RBFOX1: variants seen among roughly 807,000 people sequenced by gnomAD.
The protein encoded by RBFOX1 is RNA binding fox-1 homolog 1.
Under a neutral mutation model 57.7 loss-of-function variants are expected in RBFOX1, and 8 were observed. That is an observed-to-expected ratio of 0.14 (90% CI 0.08 to 0.25). The LOEUF (loss-of-function observed/expected upper bound fraction) is 0.25, where lower values mean the gene tolerates loss of function less well. Ranked by LOEUF, RBFOX1 falls within the 10% of genes least tolerant of loss-of-function variation. RBFOX1 has a pLI of 1.00. For missense variants in RBFOX1, 611 were observed against 548.5 expected (o/e 1.11, Z -1.14); for synonymous variants, 326 against 222.4 (o/e 1.47, Z -4.15).
intron 3 of RBFOX1, among the ~76,000 whole-genome samples, chr16:5,705,240 G>A (rs1277444510): frequency 1.3e-5 from 2 of 152,072 alleles, no homozygotes; most frequent in Non-Finnish European, 2.9e-5. Context: ...CCATCCATGT[G>A]CTAATGGATC....
chr16:7,502,719 A>G (rs1567542699), intron 4 of RBFOX1, among the ~76,000 whole-genome samples: 1 of 152,180 alleles, frequency 6.6e-6, no homozygotes, highest in Non-Finnish European at 1.5e-5. Flanking sequence ...ATAATGTGTT[A>G]TAAGAAGAAA....
chr16:7,437,611 T>C (rs1187983846), intron 4 of RBFOX1, among the ~76,000 whole-genome samples: 1 of 152,142 alleles, frequency 6.6e-6, no homozygotes, highest in Non-Finnish European at 1.5e-5. Flanking sequence ...AAAAATGGCT[T>C]TTATAACATA....
At chr16:7,216,726 A>G (rs1437621968) in intron 4 of RBFOX1, among the ~76,000 whole-genome samples, 1 of 152,174 alleles carries the variant, frequency 6.6e-6, no homozygotes, top group African/African-American at 2.4e-5. Flanking sequence ...CATAGAATGT[A>G]ATTAGCACTC....
rs147344247 is a variant in RBFOX1 at position 7,568,204 on chromosome 16, T to C, written c.271-11573T>C. Reference sequence around the variant, plus strand: ...AAGAAACAAAAGAATGGCTACTCCATAGGTAGAGCAGCCCTGAGGGCTGCT... The same window carrying C: ...AAGAAACAAAAGAATGGCTACTCCACAGGTAGAGCAGCCCTGAGGGCTGCT... On this transcript the variant is annotated intron_variant, in intron 5 of 15. Coordinates refer to ENST00000550418, the MANE Select transcript of RBFOX1 (RefSeq NM_018723.4). Among the ~76,000 whole-genome samples, 393 of 152,272 alleles carry C rather than the reference T, an allele frequency of 2.6e-3. 2 individuals are homozygous for C. Among genetic ancestry groups the C allele is most frequent in the African/African-American group, 9.1e-3 (380 of 41,570 alleles).
intron 4 of RBFOX1, among the ~76,000 whole-genome samples, chr16:7,285,695 G>A (rs1238181508): frequency 6.6e-6 from 1 of 152,146 alleles, no homozygotes; most frequent in Non-Finnish European, 1.5e-5. Flanking sequence ...CATTGAAACT[G>A]CTGTGTGTAT....
chr16:6,150,931 C>T (rs114384295), intron 1 of RBFOX1, among the ~76,000 whole-genome samples: 1,969 of 152,242 alleles, frequency 0.013, 40 homozygotes, highest in African/African-American at 0.043. Context: ...ACCTTGGGCG[C>T]CCTACATTTG....
intron 2 of RBFOX1, among the ~76,000 whole-genome samples, chr16:6,357,279 C>A (rs746847934): frequency 6.6e-6 from 1 of 151,924 alleles, no homozygotes; most frequent in Non-Finnish European, 1.5e-5. Context: ...AAAAATGGTG[C>A]ATGTGGGGGT....
intron 3 of RBFOX1, among the ~76,000 whole-genome samples, chr16:6,700,707 C>T (rs777230714): frequency 2.6e-5 from 4 of 152,088 alleles, no homozygotes; most frequent in Non-Finnish European, 4.4e-5. Context: ...TAAGTAGATT[C>T]GTGAAACCGA....
intron 4 of RBFOX1, among the ~76,000 whole-genome samples, chr16:7,286,002 TTTTG>T (rs1384657221): frequency 2.6e-5 from 4 of 152,138 alleles, no homozygotes; most frequent in African/African-American, 9.7e-5. Context: ...GTAGACTGAG[TTTTG>T]TTTGTTTGTC....
At chr16:7,106,611 CCTGGCAT>C (rs1484763424) in intron 4 of RBFOX1, among the ~76,000 whole-genome samples, 1 of 151,870 alleles carries the variant, frequency 6.6e-6, no homozygotes, top group Non-Finnish European at 1.5e-5. Flanking sequence ...ATCTCAAGGT[CCTGGCAT>C]AATAATAATA....
At chr16:5,364,077 AG>A (rs1340779897) in intron 1 of RBFOX1, among the ~76,000 whole-genome samples, 1 of 152,246 alleles carries the variant, frequency 6.6e-6, no homozygotes, top group Non-Finnish European at 1.5e-5. Flanking sequence ...TATCAGAAGC[AG>A]AAACTGGCAG....
At chr16:7,265,008 A>G (rs1344107530) in intron 4 of RBFOX1, among the ~76,000 whole-genome samples, 1 of 152,250 alleles carries the variant, frequency 6.6e-6, no homozygotes, top group Non-Finnish European at 1.5e-5. Flanking sequence ...TTTTCAAACC[A>G]TAGGCTCTGG....
chr16:6,461,482 C>A (rs2094920323), intron 2 of RBFOX1, among the ~76,000 whole-genome samples: 1 of 152,302 alleles, frequency 6.6e-6, no homozygotes, highest in East Asian at 1.9e-4. Flanking sequence ...CATCCATGAT[C>A]TTTCAGGCTA....
intron 4 of RBFOX1, among the ~76,000 whole-genome samples, chr16:7,117,002 G>A (rs971329149): frequency 4.6e-5 from 7 of 152,128 alleles, no homozygotes; most frequent in East Asian, 3.8e-4. Context: ...TCTGAGATAC[G>A]TAGGCCAAGA....
chr16:6,112,588 G>T (rs2096458223), intron 1 of RBFOX1, among the ~76,000 whole-genome samples: 1 of 152,180 alleles, frequency 6.6e-6, no homozygotes, highest in Non-Finnish European at 1.5e-5. Flanking sequence ...CTACCTGAGA[G>T]GCTGAGGCAG....
intron 4 of RBFOX1, among the ~76,000 whole-genome samples, chr16:7,515,341 ACAAAGTGTCAGTTTTG>A (rs2076129247): frequency 5.9e-5 from 9 of 152,044 alleles, no homozygotes; most frequent in Admixed American, 4.6e-4. Flanking sequence ...GACAAAGGGT[ACAAAGTGTCAGTTTTG>A]CAAGACAGAT....
intron 2 of RBFOX1, among the ~76,000 whole-genome samples, chr16:6,507,310 C>A (rs962016901): frequency 3.3e-5 from 5 of 152,004 alleles, no homozygotes; most frequent in African/African-American, 1.2e-4. Flanking sequence ...GAGGTGGAAG[C>A]AACTCAAATT....
intron 3 of RBFOX1, among the ~76,000 whole-genome samples, chr16:5,658,946 G>A (rs1041173403): frequency 6.6e-5 from 10 of 151,240 alleles, no homozygotes; most frequent in Admixed American, 2.0e-4. Context: ...TTGCTTTTAC[G>A]TATTTGCAAT....
chr16:7,214,902 ATTTTAC>A (rs2091776391), intron 4 of RBFOX1, among the ~76,000 whole-genome samples: 1 of 151,992 alleles, frequency 6.6e-6, no homozygotes, highest in African/African-American at 2.4e-5. Flanking sequence ...TTTTTATTTT[ATTTTAC>A]TTTAAGTTCT....
Sources: gnomAD v4.1 joint callset for allele counts (sites outside exome capture counted in the v4.1 genomes callset) on GRCh38, gnomAD v4.1.1 for gene constraint, MANE v1.5 for transcripts, NCBI Gene and HGNC (gene_info 2026-07-23, HGNC 2026-07-21) for gene names.